The following SETBP1 variants were observed in gnomAD, a reference collection of about 807,000 sequenced individuals.
The protein encoded by SETBP1 is SET-binding protein.
In SETBP1, 9 loss-of-function variants were observed where a neutral mutation model predicts 101.0. The ratio of observed to expected loss-of-function variants is 0.09; its 90% confidence interval spans 0.05 to 0.16. The LOEUF (loss-of-function observed/expected upper bound fraction) is 0.16. Ranked by LOEUF, SETBP1 falls within the 10% of genes least tolerant of loss-of-function variation. SETBP1 has a pLI of 1.00. For synonymous variants in SETBP1, 818 were observed against 788.5 expected (o/e 1.04, Z -0.63); for missense variants, 1,858 against 2,033.8 (o/e 0.91, Z 1.66).
At chr18:44,889,783 G>A (rs370602756) in intron 3 of SETBP1, among the ~76,000 whole-genome samples, 12 of 152,250 alleles carry the variant, frequency 7.9e-5, no homozygotes, top group East Asian at 3.9e-4. Context: ...AACCCTTGCC[G>A]TCTATGTGGG....
intron 2 of SETBP1, among the ~76,000 whole-genome samples, chr18:44,811,725 A>T (rs2071866010): frequency 1.3e-5 from 2 of 152,210 alleles, no homozygotes; most frequent in African/African-American, 4.8e-5. Context: ...TACCATGAGG[A>T]GGAGTTAAGC....
chr18:44,908,781 C>A (rs751751319), intron 3 of SETBP1, among the ~76,000 whole-genome samples: 3 of 152,156 alleles, frequency 2.0e-5, no homozygotes, highest in Non-Finnish European at 2.9e-5. Context: ...AATTTTCTCA[C>A]GTATTTAAAA....
At chr18:45,034,920 T>G (rs897358468) in intron 4 of SETBP1, among the ~76,000 whole-genome samples, 1 of 152,190 alleles carries the variant, frequency 6.6e-6, no homozygotes. Flanking sequence ...GGTTTCTTTA[T>G]GATCACCCTC....
At chr18:44,739,801 G>A (rs1479166309) in intron 2 of SETBP1, among the ~76,000 whole-genome samples, 1 of 152,226 alleles carries the variant, frequency 6.6e-6, no homozygotes, top group Non-Finnish European at 1.5e-5. Context: ...GCAGATGTCT[G>A]ATGTCCGAGT....
At chr18:44,945,549 A>T (rs75356611) in intron 3 of SETBP1, among the ~76,000 whole-genome samples, 3 of 119,222 alleles carry the variant, frequency 2.5e-5, no homozygotes, top group Non-Finnish European at 5.7e-5. Context: ...AATTTCACAA[A>T]CAATCAACTC....
At chr18:44,830,560 T>C (rs1044552380) in intron 2 of SETBP1, among the ~76,000 whole-genome samples, 2 of 152,172 alleles carry the variant, frequency 1.3e-5, no homozygotes, top group Non-Finnish European at 2.9e-5. Context: ...CCTGTCTCTT[T>C]TTTGCCTATA....
chr18:44,695,873 T>C (rs1245220352), intron 1 of SETBP1, among the ~76,000 whole-genome samples: 2 of 151,794 alleles, frequency 1.3e-5, no homozygotes, highest in Non-Finnish European at 2.9e-5. Flanking sequence ...TTTTTTTTTT[T>C]CTGTTCATTG....
At chr18:44,880,787 G>A (rs983207872) in intron 3 of SETBP1, among the ~76,000 whole-genome samples, 5 of 152,070 alleles carry the variant, frequency 3.3e-5, no homozygotes, top group African/African-American at 9.7e-5. Context: ...ATCACCAAGA[G>A]GACAGCCCAA....
chr18:44,720,529 C>T (rs1295288356), intron 2 of SETBP1, among the ~76,000 whole-genome samples: 1 of 152,162 alleles, frequency 6.6e-6, no homozygotes, highest in African/African-American at 2.4e-5. Flanking sequence ...GGATGCAGAG[C>T]CATCGCTCCC....
chr18:45,014,488 T>C (rs2072903043), intron 4 of SETBP1, among the ~76,000 whole-genome samples: 1 of 152,190 alleles, frequency 6.6e-6, no homozygotes, highest in South Asian at 2.1e-4. Context: ...GACAGGTTCA[T>C]GTAGAATGGA....
At chr18:44,864,435 A>G (rs374686126) in intron 2 of SETBP1, among the ~76,000 whole-genome samples, 1 of 152,084 alleles carries the variant, frequency 6.6e-6, no homozygotes, top group African/African-American at 2.4e-5. Flanking sequence ...CCCTGCCCTC[A>G]AGCTCAGAGA....
Position 44,953,300 on chromosome 18 carries a change from C to G in SETBP1, c.3960C>G (p.Asn1320Lys). 6.2e-7 allele frequency: 1 copy of G among 1,613,974 alleles called. No individual in the cohort carries two copies. Among genetic ancestry groups the G allele is most frequent in the East Asian group, 2.2e-5 (1 of 44,878 alleles). The stretch of plus-strand genomic sequence containing the variant: ...AGGACATCCAAGCCTTCAAGATGAA[C>G]CGCAAGGAGAGAAGTTCTTATGACT... ...REKDIQAFKM[N>K]RKERSSYDSS... Residue 1320 changes from asparagine to lysine, a missense_variant, in exon 4 of 6, where the codon AAC (asparagine) becomes AAG (lysine). By Grantham distance (94) the Asn-to-Lys change is moderately conservative. Around this residue, in one of 12 missense-constraint regions of SETBP1, gnomAD observed 417 missense variants for 389.1 expected, o/e 1.07. Transcript: ENST00000649279.
Position 44,836,477 on chromosome 18 carries a change from G to A in SETBP1, c.487-32753G>A, listed in dbSNP as rs145810529. On this transcript the variant is annotated intron_variant, in intron 2 of 5. Transcript: ENST00000649279. Reference sequence around the variant, plus strand: ...GAGCTCAGAGCTGCAGAGTCCAGGGGCCTCTCCACTCCACTCCACTCTGCT... The same window carrying A: ...GAGCTCAGAGCTGCAGAGTCCAGGGACCTCTCCACTCCACTCCACTCTGCT... 7.9e-5 allele frequency among the ~76,000 whole-genome samples: 12 copies of A among 151,988 alleles called. 1 individual carries two copies. The highest frequency in any genetic ancestry group is 4.2e-4 in the South Asian group (2 of 4,800).
intron 2 of SETBP1, among the ~76,000 whole-genome samples, chr18:44,815,677 G>A (rs1015000582): frequency 9.2e-5 from 14 of 152,204 alleles, no homozygotes; most frequent in Non-Finnish European, 1.8e-4. Context: ...TGAGGCTGCA[G>A]CCAGGATTAC....
Position 45,032,700 on chromosome 18 carries a change from C to T in SETBP1, c.4001-5785C>T, listed in dbSNP as rs115083912. 7.4e-3 allele frequency among the ~76,000 whole-genome samples: 1,121 copies of T among 152,254 alleles called. 7 individuals are homozygous for T. The highest frequency in any genetic ancestry group is 0.027 in the Middle Eastern group (8 of 294). On this transcript the variant is annotated intron_variant, in intron 4 of 5. Coordinates refer to ENST00000649279, the MANE Select transcript of SETBP1 (RefSeq NM_015559.3). Reference sequence around the variant, plus strand: ...CCAAGCTATGAGACCCTGGGGTTCACGTGCACACAGAAAGCTGTGTCTTTT... The same window carrying T: ...CCAAGCTATGAGACCCTGGGGTTCATGTGCACACAGAAAGCTGTGTCTTTT...
In SETBP1 at chr18:44,876,705, C is replaced by CTT. The variant is rs3085861; in HGVS notation, c.540+7422_540+7423insTT. 5 of 1,549,136 alleles carry CTT rather than the reference C, an allele frequency of 3.2e-6. No homozygotes were observed. The Admixed American group carries it at 5.9e-5, about 18-fold the overall frequency. On this transcript the variant is annotated intron_variant, in intron 3 of 5. Transcript: ENST00000649279. ...CATTCCCCGCAAAACCCGGTTCTCT[C>CTT]ACTCTTCCTTTTCACAGTGAACCTG... is the stretch of plus-strand genomic sequence containing the variant.
intron 4 of SETBP1, among the ~76,000 whole-genome samples, chr18:44,954,304 C>A (rs1464550614): frequency 8.1e-6 from 1 of 123,376 alleles, no homozygotes; most frequent in Non-Finnish European, 1.6e-5. Flanking sequence ...ATAGTAGAAA[C>A]TTCTTACCTA....
chr18:45,033,551 T>C (rs2073339746), intron 4 of SETBP1, among the ~76,000 whole-genome samples: 1 of 152,230 alleles, frequency 6.6e-6, no homozygotes, highest in Non-Finnish European at 1.5e-5. Flanking sequence ...GCCAGGAAGA[T>C]GACTAAAGGG....
At chr18:44,991,030 C>A (rs2072362437) in intron 4 of SETBP1, among the ~76,000 whole-genome samples, 1 of 150,724 alleles carries the variant, frequency 6.6e-6, no homozygotes, top group African/African-American at 2.4e-5. Context: ...GCAGGCGGAT[C>A]ACCTGAGGTC....
Sources: allele counts gnomAD v4.1 joint callset (sites outside exome capture counted in the v4.1 genomes callset), GRCh38; gene constraint gnomAD v4.1.1; regional missense constraint gnomAD v4.1.1; transcripts MANE v1.5; gene names NCBI Gene and HGNC (gene_info 2026-07-23, HGNC 2026-07-21).